Variants in FBXO9 observed in about 807,000 individuals in gnomAD.
The protein encoded by FBXO9 is F-box only protein 9.
A neutral mutation model predicts 63.7 loss-of-function variants in FBXO9; 43 were observed. The ratio of observed to expected loss-of-function variants is 0.67; its 90% confidence interval spans 0.53 to 0.87. The LOEUF is 0.87. Ranked by LOEUF, FBXO9 falls within the 40% of genes least tolerant of loss-of-function variation. FBXO9 has a pLI of 0.00. For synonymous variants in FBXO9, 156 were observed against 171.7 expected, an observed-to-expected ratio of 0.91 and a Z score of 0.72; for missense variants, 442 against 533.2, an observed-to-expected ratio of 0.83 and a Z score of 1.68.
chr6:53,097,435 G>A (rs1010134878), intron 12 of FBXO9, among the ~76,000 whole-genome samples: 1 of 151,924 alleles, frequency 6.6e-6, no homozygotes, highest in Non-Finnish European at 1.5e-5. Flanking sequence ...AATGATGTGG[G>A]AAAATACAAA....
rs778842361 is a variant in FBXO9 at position 53,092,584 on chromosome 6, A to G, written c.772+37A>G. On this transcript the variant is annotated intron_variant, in intron 8 of 12. Transcript: ENST00000323557. ...TCTGTAGAACTCAGCAGAAATACTG[A>G]TCTATAATGCTGATTTTTATAAATA... 5.8e-6 allele frequency: 9 copies of G among 1,542,626 alleles called. No homozygotes were observed. In the South Asian group the frequency reaches 7.9e-5, roughly 13 times the overall value.
At chr6:53,089,416 C>G (rs1203438706) in intron 7 of FBXO9, among the ~76,000 whole-genome samples, 2 of 152,134 alleles carry the variant, frequency 1.3e-5, no homozygotes, top group African/African-American at 4.8e-5. Flanking sequence ...GCCCACCATT[C>G]AGAATCTTTA....
chr6:53,071,866 A>G (rs967199090), intron 2 of FBXO9, among the ~76,000 whole-genome samples: 17 of 152,204 alleles, frequency 1.1e-4, no homozygotes, highest in Admixed American at 1.1e-3. Flanking sequence ...AACTATAAAG[A>G]TGTTTAGTAT....
rs543192869 is a variant in FBXO9, at chr6:53,097,397, C to T, written c.1206-325C>T. On this transcript the variant is annotated intron_variant, in intron 12 of 12. Transcript: ENST00000323557. ...TACAAGCAGACAGTGAAATATCATC[C>T]TGCCACTAAAAATGGTTTCTGAAAA... Among the ~76,000 whole-genome samples, 119 of 152,102 alleles carry T rather than the reference C, an allele frequency of 7.8e-4. No homozygotes were observed. In the South Asian group the frequency reaches 0.013, roughly 17 times the overall value.
intron 7 of FBXO9, among the ~76,000 whole-genome samples, chr6:53,087,896 C>G (rs1313077303): frequency 2.0e-5 from 3 of 152,172 alleles, no homozygotes; most frequent in African/African-American, 4.8e-5. Flanking sequence ...ATAAACAATT[C>G]TCTTCAATTA....
chr6:53,096,845 G>A (rs368146642), intron 12 of FBXO9, among the ~76,000 whole-genome samples: 26 of 152,330 alleles, frequency 1.7e-4, no homozygotes, highest in African/African-American at 6.0e-4. Flanking sequence ...GTTCAAGGCT[G>A]CGGTGAGCTA....
intron 5 of FBXO9, among the ~76,000 whole-genome samples, chr6:53,079,945 G>A (rs762124770): frequency 9.9e-5 from 15 of 152,066 alleles, no homozygotes; most frequent in Non-Finnish European, 2.1e-4. Flanking sequence ...AACAGTATGA[G>A]GTAGTTCATA....
intron 2 of FBXO9, 76 bp downstream of exon 2, chr6:53,071,219 G>A: frequency 7.4e-7 from 1 of 1,343,510 alleles, no homozygotes; most frequent in Non-Finnish European, 1.0e-6. Context: ...CATAATCATG[G>A]GTATTTGTAG....
rs1274404534 is a variant in FBXO9 at position 53,078,814 on chromosome 6, G to A, written c.323G>A (p.Arg108His). The stretch of plus-strand genomic sequence containing the variant: ...CTTCTTTTAGCCATCAAGTTTTATC[G>A]TAGGGCTATGCAACTTGTACCTGAT... ...GALYEAIKFY[R>H]RAMQLVPDIE... The change falls in exon 5 of 13, where the codon CGT becomes CAT. Residue 108 changes from arginine to histidine, a missense_variant. Coordinates refer to ENST00000323557, the MANE Select transcript of FBXO9 (RefSeq NM_033480.3). The A allele has an allele frequency of 5.6e-6, 9 of 1,612,572 alleles. No homozygotes were observed. Among genetic ancestry groups the A allele is most frequent in the Middle Eastern group, 1.6e-4 (1 of 6,080 alleles).
chr6:53,086,050 G>T (rs1213495000), intron 7 of FBXO9, among the ~76,000 whole-genome samples: 1 of 152,248 alleles, frequency 6.6e-6, no homozygotes, highest in African/African-American at 2.4e-5. Context: ...TTGGGAGGCT[G>T]AGGCAGGAGA....
chr6:53,082,780 AATTT>A (rs1769357364), intron 7 of FBXO9, among the ~76,000 whole-genome samples, 162 bp downstream of exon 7: 1 of 152,238 alleles, frequency 6.6e-6, no homozygotes, highest in African/African-American at 2.4e-5. Context: ...AATAACTTAG[AATTT>A]AAAGGCTAGA....
At position 53,065,463 on chromosome 6, in the gene FBXO9, G is replaced by T; in HGVS notation, c.-327G>T. 3.3e-6 allele frequency: 1 copy of T among 307,352 alleles called. No homozygotes were observed. The allele number at this position is 307,352 out of a possible 1,614,324, so 19.0% of individuals were successfully genotyped here. On this transcript the variant is annotated 5_prime_UTR_variant, in exon 1 of 13. Transcript: ENST00000323557. ...AGGGGGCAGCTCCGCGGCGGCGTCC[G>T]GGGTCTCCAGTAGGGCTGACGCTCC... is the stretch of plus-strand genomic sequence containing the variant.
At chr6:53,068,632 TA>T (rs1768796008) in intron 1 of FBXO9, among the ~76,000 whole-genome samples, 1 of 143,022 alleles carries the variant, frequency 7.0e-6, no homozygotes, top group African/African-American at 2.5e-5. Context: ...GACATCATCT[TA>T]CGGAATATAT....
chr6:53,066,089 T>G, intron 1 of FBXO9: 1 of 1,200,098 alleles, frequency 8.3e-7, no homozygotes, highest in South Asian at 4.2e-5. Context: ...GCTCACTGAG[T>G]ATATTGAACC....
intron 1 of FBXO9, among the ~76,000 whole-genome samples, chr6:53,066,809 C>A (rs920588493): frequency 2.0e-5 from 3 of 152,192 alleles, no homozygotes; most frequent in Non-Finnish European, 4.4e-5. Flanking sequence ...TTAGGTCAAA[C>A]TCGATTATGA....
At chr6:53,096,447 G>A (rs1027627868) in intron 12 of FBXO9, among the ~76,000 whole-genome samples, 4 of 152,150 alleles carry the variant, frequency 2.6e-5, no homozygotes, top group Admixed American at 6.5e-5. Context: ...CCACATTGTT[G>A]AAAACTGTGT....
rs1197932964 is a variant in FBXO9, at chr6:53,099,326, G to T, written c.*1496G>T. On this transcript the variant is annotated 3_prime_UTR_variant, in exon 13 of 13. Coordinates refer to ENST00000323557, the MANE Select transcript of FBXO9 (RefSeq NM_033480.3). ...GAGAATTGCCTGAGCCTGGGAAGTG[G>T]AAGTTGCAGTGAGCCAAGATCGTGC... 6.6e-6 allele frequency: 1 copy of T among 152,170 alleles called. No homozygotes were observed. Among genetic ancestry groups the T allele is most frequent in the East Asian group, 1.9e-4 (1 of 5,190 alleles). The allele number at this position is 152,170 out of a possible 1,614,324, so 9.4% of individuals were successfully genotyped here. A position where few individuals can be genotyped will look rare whatever the true frequency, so the allele number is the denominator to read the frequency against.
At chr6:53,078,702 TA>T in intron 4 of FBXO9, 96 bp from the exon 5 acceptor site, 1 of 856,248 alleles carries the variant, frequency 1.2e-6, no homozygotes, top group Non-Finnish European at 1.9e-6. Flanking sequence ...TGGCCGTTTG[TA>T]AAGAAAGTTA....
rs1440386127 is a variant in FBXO9 at position 53,095,400 on chromosome 6, CTT to C, written c.1054-111_1054-110del. The C allele has an allele frequency of 8.0e-6, 8 of 997,668 alleles. No homozygotes were observed. In the Admixed American group the frequency reaches 9.8e-5, roughly 12 times the overall value. The allele number at this position is 997,668 out of a possible 1,614,324, so 61.8% of individuals were successfully genotyped here. ...CATTCTTGTGATAGTCAAAACGACTCTTTACTGCATGCAAATATTATGTTACT... is the reference window on the plus strand; with the variant it reads ...CATTCTTGTGATAGTCAAAACGACTCTACTGCATGCAAATATTATGTTACT... On this transcript the variant is annotated intron_variant, in intron 11 of 12. Coordinates refer to ENST00000323557, the MANE Select transcript of FBXO9 (RefSeq NM_033480.3).
Sources: allele counts gnomAD v4.1 joint callset (sites outside exome capture counted in the v4.1 genomes callset), GRCh38; gene constraint gnomAD v4.1.1; transcripts MANE v1.5; gene names NCBI Gene and HGNC (gene_info 2026-07-23, HGNC 2026-07-21).